Variants in TSPAN12 observed in about 807,000 individuals in gnomAD.
TSPAN12 encodes tetraspanin-12.
TSPAN12 carries 19 observed loss-of-function variants against 39.2 expected under a neutral mutation model. The ratio of observed to expected loss-of-function variants is 0.49; its 90% CI spans 0.34 to 0.71. The LOEUF (loss-of-function observed/expected upper bound fraction) is 0.71. TSPAN12 is among the 30% of genes least tolerant of loss of function. TSPAN12 has a pLI of 0.01. For synonymous variants in TSPAN12, 119 were observed against 124.8 expected (o/e 0.95, Z 0.31); for missense variants, 314 against 359.9 (o/e 0.87, Z 1.03).
intron 6 of TSPAN12, 75 bp from the exon 7 acceptor site, chr7:120,806,767 T>A (rs1793883292): frequency 3.8e-6 from 6 of 1,574,198 alleles, no homozygotes; most frequent in South Asian, 1.1e-5. Flanking sequence ...TAAACATCAG[T>A]TTTTTAAAAT....
chr7:120,837,131 T>C (rs912387370), intron 4 of TSPAN12, among the ~76,000 whole-genome samples: 8 of 152,224 alleles, frequency 5.3e-5, no homozygotes, highest in Admixed American at 5.2e-4. Flanking sequence ...ACTCAAATTA[T>C]AGAAGGTTCA....
chr7:120,857,509 G>A (rs901494404), intron 1 of TSPAN12, among the ~76,000 whole-genome samples: 2 of 150,964 alleles, frequency 1.3e-5, no homozygotes, highest in African/African-American at 2.4e-5. Flanking sequence ...AGTGGGCGGG[G>A]GGCGGGGGGC....
chr7:120,815,604 A>C lies in TSPAN12; in HGVS notation c.360+125T>G, dbSNP rs1584934694. 3.4e-6 allele frequency: 3 copies of C among 882,752 alleles called. No homozygotes were observed. In the South Asian group the frequency reaches 4.3e-5, roughly 13 times the overall value. The allele number at this position is 882,752 out of a possible 1,614,324, so 54.7% of individuals were successfully genotyped here. A position where few individuals can be genotyped will look rare whatever the true frequency, so the allele number is the denominator to read the frequency against. ...CCCCAGCCATGCTGAACTGTGAGTT[A>C]ATTTACAAATTACCCAGTCTTGGGC... On this transcript the variant is annotated intron_variant, in intron 5 of 7. Transcript: ENST00000222747.
At chr7:120,840,921 A>G in intron 2 of TSPAN12, among the ~76,000 whole-genome samples, 1 of 152,244 alleles carries the variant, frequency 6.6e-6, no homozygotes, top group East Asian at 1.9e-4. Flanking sequence ...TTATCAGGTC[A>G]TTGGTTCTCA....
chr7:120,791,470 A>T (rs1291249621), intron 7 of TSPAN12, among the ~76,000 whole-genome samples: 1 of 152,248 alleles, frequency 6.6e-6, no homozygotes, highest in Non-Finnish European at 1.5e-5. Context: ...AAGCCATTCA[A>T]TAAATATATA....
chr7:120,800,276 T>C (rs1562938627), intron 7 of TSPAN12, among the ~76,000 whole-genome samples: 1 of 152,140 alleles, frequency 6.6e-6, no homozygotes, highest in African/African-American at 2.4e-5. Context: ...TTACCACTGA[T>C]ACAGTTTCTC....
Position 120,842,717 on chromosome 7 carries a change from G to C in TSPAN12, c.67-2608C>G, listed in dbSNP as rs192482176. Among the ~76,000 whole-genome samples, 52 of 152,196 alleles carry C rather than the reference G, an allele frequency of 3.4e-4. 1 individual carries two copies. Among genetic ancestry groups the C allele is most frequent in the African/African-American group, 1.2e-3 (49 of 41,516 alleles). On this transcript the variant is annotated intron_variant, in intron 2 of 7. Transcript: ENST00000222747. ...GAAGTCAGGTTCAGTTTAAATGTCT[G>C]AACTATTTTCTTTGGTGAATGGGAG...
chr7:120,831,734 A>C (rs1473969571), intron 4 of TSPAN12, among the ~76,000 whole-genome samples: 1 of 152,052 alleles, frequency 6.6e-6, no homozygotes, highest in African/African-American at 2.4e-5. Flanking sequence ...ATTGCATAGC[A>C]TGGTGACTAT....
chr7:120,831,111 T>C (rs978031423), intron 4 of TSPAN12, among the ~76,000 whole-genome samples: 1 of 151,956 alleles, frequency 6.6e-6, no homozygotes, highest in Middle Eastern at 3.2e-3. Context: ...AACTTGTAGC[T>C]CTTAGAATGT....
rs547940035 is a variant in TSPAN12, at chr7:120,840,646, G to A, written c.67-537C>T. Among the ~76,000 whole-genome samples the A allele has an allele frequency of 1.6e-4, 25 of 152,286 alleles. No homozygotes were observed. The South Asian group carries it at 1.7e-3, about 10-fold the overall frequency. On this transcript the variant is annotated intron_variant, in intron 2 of 7. Coordinates refer to ENST00000222747, the MANE Select transcript of TSPAN12 (RefSeq NM_012338.4). ...AACTCATACACATATATGTGCTAAA[G>A]TATATAAACTCATAATGAACAAAAT...
chr7:120,854,273 A>G (rs1047794758), intron 2 of TSPAN12, among the ~76,000 whole-genome samples: 2 of 152,240 alleles, frequency 1.3e-5, no homozygotes, highest in Non-Finnish European at 2.9e-5. Context: ...AAGGAATTGC[A>G]GTAGTGGTAG....
intron 4 of TSPAN12, among the ~76,000 whole-genome samples, chr7:120,831,600 C>T (rs909850571): frequency 6.6e-6 from 1 of 151,806 alleles, no homozygotes; most frequent in African/African-American, 2.4e-5. Context: ...AAGTGTTGAT[C>T]TCAGAGGAAT....
At position 120,791,060 on chromosome 7, in the gene TSPAN12, G is replaced by A. The variant is rs149594769; in HGVS notation, c.613-2163C>T. Among the ~76,000 whole-genome samples the A allele has an allele frequency of 5.4e-3, 825 of 152,218 alleles. 7 individuals are homozygous for A. The highest frequency in any genetic ancestry group is 0.019 in the African/African-American group (776 of 41,534). On this transcript the variant is annotated intron_variant, in intron 7 of 7. Coordinates refer to ENST00000222747, the MANE Select transcript of TSPAN12 (RefSeq NM_012338.4). ...TAGAGGCAAACTGGCTGGGTGTGGG[G>A]GCTCATGCCTGTAATCCCAGCACGT... is the stretch of plus-strand genomic sequence containing the variant.
At chr7:120,797,113 C>T (rs753086872) in intron 7 of TSPAN12, among the ~76,000 whole-genome samples, 1 of 152,160 alleles carries the variant, frequency 6.6e-6, no homozygotes, top group Non-Finnish European at 1.5e-5. Context: ...GCCGAGATGG[C>T]GCCCCTGCAC....
At chr7:120,836,481 CA>C (rs746739296) in intron 4 of TSPAN12, among the ~76,000 whole-genome samples, 1 of 152,172 alleles carries the variant, frequency 6.6e-6, no homozygotes, top group Non-Finnish European at 1.5e-5. Context: ...ATCCAAAAAG[CA>C]AAGTAGAGAT....
At chr7:120,833,653 T>C (rs1431518159) in intron 4 of TSPAN12, among the ~76,000 whole-genome samples, 2 of 152,178 alleles carry the variant, frequency 1.3e-5, no homozygotes, top group Non-Finnish European at 2.9e-5. Flanking sequence ...ACTTAATTTC[T>C]GACAAGCACT....
intron 7 of TSPAN12, among the ~76,000 whole-genome samples, chr7:120,792,475 C>T (rs767533750): frequency 5.9e-5 from 9 of 151,992 alleles, no homozygotes; most frequent in East Asian, 1.9e-4. Flanking sequence ...GTGGAGATCT[C>T]GAAAGTTACA....
intron 4 of TSPAN12, among the ~76,000 whole-genome samples, chr7:120,823,313 A>ATG (rs778733316): frequency 9.3e-5 from 14 of 151,348 alleles, no homozygotes; most frequent in Non-Finnish European, 1.8e-4. Context: ...ATATATATAT[A>ATG]TTCGATGAAA....
chr7:120,838,771 T>C lies in TSPAN12; in HGVS notation c.285+6A>G, dbSNP rs759429271. ...ACTATAATAAAGAGAAAATATAACATCATACCCATGCAAGAAGCAACAGAT... is the reference window on the plus strand; with the variant it reads ...ACTATAATAAAGAGAAAATATAACACCATACCCATGCAAGAAGCAACAGAT... On this transcript the variant is annotated splice_donor_region_variant and intron_variant, in intron 4 of 7. Coordinates refer to ENST00000222747, the MANE Select transcript of TSPAN12 (RefSeq NM_012338.4). The C allele has an allele frequency of 6.2e-7, 1 of 1,613,254 alleles. No individual in the cohort carries two copies. The highest frequency in any genetic ancestry group is 8.5e-7 in the Non-Finnish European group (1 of 1,179,396).
Sources: allele counts gnomAD v4.1 joint callset (sites outside exome capture counted in the v4.1 genomes callset), GRCh38; gene constraint gnomAD v4.1.1; transcripts MANE v1.5; gene names NCBI Gene and HGNC (gene_info 2026-07-23, HGNC 2026-07-21).